MAP2K5: variants seen among roughly 807,000 people sequenced by gnomAD.
MAP2K5 encodes the protein mitogen-activated protein kinase kinase 5, also known as dual specificity mitogen-activated protein kinase kinase 5.
MAP2K5 carries 49 observed loss-of-function variants against 83.1 expected under a neutral mutation model. The observed-to-expected ratio is 0.59, with a 90% CI of 0.47 to 0.75. The LOEUF (loss-of-function observed/expected upper bound fraction) is 0.75. Among genes scored for constraint, MAP2K5 ranks in the 30% least tolerant of loss-of-function variants. The probability of loss-of-function intolerance (pLI) is 0.00; values close to 1 mark genes in which losing one functional copy is unlikely to be tolerated. For missense variants in MAP2K5, 457 were observed against 557.5 expected (o/e 0.82, Z 1.82); for synonymous variants, 202 against 191.8 (o/e 1.05, Z -0.44).
Position 67,764,078 on chromosome 15 carries a change from T to C in MAP2K5, c.1135-5524T>C, listed in dbSNP as rs1330885540. ...ACACCGTAAGTCTAGAAGTGGGCTA[T>C]TAAAAAACAGTTAGAGGGCTGGCCA... is the stretch of plus-strand genomic sequence containing the variant. On this transcript the variant is annotated intron_variant, in intron 19 of 21. Transcript: ENST00000178640. This position sits in a 1 kb window ranked among gnomAD's most constrained non-coding sequence, Gnocchi z 4.9. Among the ~76,000 whole-genome samples, 1 of 152,218 alleles carries C rather than the reference T, an allele frequency of 6.6e-6. No individual in the cohort carries two copies. The highest frequency in any genetic ancestry group is 1.5e-5 in the Non-Finnish European group (1 of 68,038).
At chr15:67,666,871 A>G (rs915384575) in intron 13 of MAP2K5, among the ~76,000 whole-genome samples, 1 of 152,198 alleles carries the variant, frequency 6.6e-6, no homozygotes, top group Non-Finnish European at 1.5e-5. Context: ...CATCTGTCTC[A>G]ATGGAAAGAC....
rs1374534966 is a variant in MAP2K5 at position 67,548,907 on chromosome 15, A to G, written c.136-1127A>G. 3 of 716,008 alleles carry G rather than the reference A, an allele frequency of 4.2e-6. No individual in the cohort carries two copies. The Admixed American group carries it at 1.1e-4, about 25-fold the overall frequency. 44.4% of individuals were successfully genotyped at this position (716,008 alleles called of 1,614,324 possible). A position where few individuals can be genotyped will look rare whatever the true frequency, so the allele number is the denominator to read the frequency against. On this transcript the variant is annotated intron_variant, in intron 1 of 21. Coordinates refer to ENST00000178640, the MANE Select transcript of MAP2K5 (RefSeq NM_145160.3). ...TGATCAGTTTTATATGCACAGATTT[A>G]TTTTTGAAAAAAAAAAAAAGCACTA...
At chr15:67,604,724 G>A (rs187269801) in intron 8 of MAP2K5, among the ~76,000 whole-genome samples, 17 of 152,010 alleles carry the variant, frequency 1.1e-4, no homozygotes, top group African/African-American at 4.1e-4. Flanking sequence ...GTGAAACCCC[G>A]ACTCTACTAA....
rs1173255076 is a variant in MAP2K5 at position 67,801,888 on chromosome 15, G to C, written c.1243-4758G>C. ...TATATTCTCTAGAAAGTTATAGAAA[G>C]AGATGAAAGTATGGGGACCCCAAAT... On this transcript the variant is annotated intron_variant, in intron 21 of 21. Coordinates refer to ENST00000178640, the MANE Select transcript of MAP2K5 (RefSeq NM_145160.3). The surrounding 1 kb of genome is among the most constrained non-coding windows in gnomAD (Gnocchi z 4.8). Among the ~76,000 whole-genome samples, 1 of 152,218 alleles carries C rather than the reference G, an allele frequency of 6.6e-6. No individual in the cohort carries two copies. Among genetic ancestry groups the C allele is most frequent in the Non-Finnish European group, 1.5e-5 (1 of 68,034 alleles).
At chr15:67,664,503 A>T in intron 12 of MAP2K5, 94 bp from the exon 13 acceptor site, 1 of 210,874 alleles carries the variant, frequency 4.7e-6, no homozygotes, top group Non-Finnish European at 8.6e-6. Flanking sequence ...ACCCTGTCTC[A>T]AAAAAAAAAA....
At chr15:67,600,500 A>G (rs1404981497) in intron 7 of MAP2K5, among the ~76,000 whole-genome samples, 185 bp from the exon 8 acceptor site, 1 of 152,180 alleles carries the variant, frequency 6.6e-6, no homozygotes, top group East Asian at 1.9e-4. Context: ...TAAACTTTCC[A>G]TCACTTCGTC....
rs1210063529 is a variant in MAP2K5 at position 67,543,985 on chromosome 15, A to T, written c.135+515A>T. Among the ~76,000 whole-genome samples, 2 of 152,220 alleles carry T rather than the reference A, an allele frequency of 1.3e-5. No homozygotes were observed. Among genetic ancestry groups the T allele is most frequent in the Admixed American group, 6.5e-5 (1 of 15,278 alleles). ...CAGTGCTGTGGCACGATCTCGGCTCACTGCAGCCTCTGCCTCCTGGGCTCA... is the reference window on the plus strand; with the variant it reads ...CAGTGCTGTGGCACGATCTCGGCTCTCTGCAGCCTCTGCCTCCTGGGCTCA... On this transcript the variant is annotated intron_variant, in intron 1 of 21. Coordinates refer to ENST00000178640, the MANE Select transcript of MAP2K5 (RefSeq NM_145160.3). The surrounding 1 kb of genome is among the most constrained non-coding windows in gnomAD (Gnocchi z 4.3).
At chr15:67,600,171 A>G (rs1371574072) in intron 7 of MAP2K5, among the ~76,000 whole-genome samples, 1 of 152,202 alleles carries the variant, frequency 6.6e-6, no homozygotes, top group African/African-American at 2.4e-5. Context: ...TTATTTGCAA[A>G]GAAAAGCTAT....
chr15:67,607,964 T>C (rs757542974), intron 8 of MAP2K5, among the ~76,000 whole-genome samples: 2 of 152,220 alleles, frequency 1.3e-5, no homozygotes, highest in African/African-American at 4.8e-5. Context: ...AGTAAGAATT[T>C]GCTGAATCTA....
At position 67,749,872 on chromosome 15, in the gene MAP2K5, T is replaced by G. The variant is rs2141275545; in HGVS notation, c.1134+1271T>G. On this transcript the variant is annotated intron_variant, in intron 19 of 21. Coordinates refer to ENST00000178640, the MANE Select transcript of MAP2K5 (RefSeq NM_145160.3). This position sits in a 1 kb window ranked among gnomAD's most constrained non-coding sequence, Gnocchi z 4.6. ...CCTGAGGTCCCCCTCCAGTTTTGCTTGAGGAAGTGTCTGGGGAAACTTGCC... is the reference window on the plus strand; with the variant it reads ...CCTGAGGTCCCCCTCCAGTTTTGCTGGAGGAAGTGTCTGGGGAAACTTGCC... 6.6e-6 allele frequency among the ~76,000 whole-genome samples: 1 copy of G among 152,280 alleles called. No individual in the cohort carries two copies. The highest frequency in any genetic ancestry group is 3.4e-3 in the Middle Eastern group (1 of 294).
Position 67,777,991 on chromosome 15 carries a change from G to C in MAP2K5, c.1242+5239G>C, listed in dbSNP as rs1457372814. Among the ~76,000 whole-genome samples the C allele has an allele frequency of 1.3e-5, 2 of 152,198 alleles. No homozygotes were observed. Among genetic ancestry groups the C allele is most frequent in the Admixed American group, 6.5e-5 (1 of 15,268 alleles). ...ATGGGTCCTAGAAGGCGGGGTATCA[G>C]TTAAAATCAGAATAGCGCTCTTGGA... On this transcript the variant is annotated intron_variant, in intron 21 of 21. Coordinates refer to ENST00000178640, the MANE Select transcript of MAP2K5 (RefSeq NM_145160.3). The surrounding 1 kb of genome is among the most constrained non-coding windows in gnomAD (Gnocchi z 6.0).
intron 13 of MAP2K5, among the ~76,000 whole-genome samples, chr15:67,691,079 C>T (rs759142254): frequency 6.6e-6 from 1 of 152,192 alleles, no homozygotes; most frequent in Non-Finnish European, 1.5e-5. Flanking sequence ...CAGAGACAGG[C>T]TCTACAGTTC....
intron 8 of MAP2K5, among the ~76,000 whole-genome samples, chr15:67,630,622 C>G (rs1478540400): frequency 6.6e-6 from 1 of 152,212 alleles, no homozygotes; most frequent in Non-Finnish European, 1.5e-5. Flanking sequence ...TGTTTAACTT[C>G]TCTGTGCTTC....
rs780240732 is a variant in MAP2K5 at position 67,720,699 on chromosome 15, G to A, written c.1045-7217G>A. ...AAATGAGGAAGTTGCCTTGCAGAGCGCTATCAATCACTCAGTGACCATAAC... is the reference window on the plus strand; with the variant it reads ...AAATGAGGAAGTTGCCTTGCAGAGCACTATCAATCACTCAGTGACCATAAC... On this transcript the variant is annotated intron_variant, in intron 16 of 21. Transcript: ENST00000178640. The surrounding 1 kb of genome is among the most constrained non-coding windows in gnomAD (Gnocchi z 5.7). 4.6e-5 allele frequency among the ~76,000 whole-genome samples: 7 copies of A among 152,100 alleles called. 1 individual carries two copies. Among genetic ancestry groups the A allele is most frequent in the African/African-American group, 9.7e-5 (4 of 41,422 alleles).
rs1161162942 is a variant in MAP2K5 at position 67,577,580 on chromosome 15, C to G, written c.253-3174C>G. ...TTTTTTTGGTCGTTGCTGTTTGTTT[C>G]TTTGTTTTTTTCTTTTCTTTTGGTT... On this transcript the variant is annotated intron_variant, in intron 3 of 21. Transcript: ENST00000178640. This position sits in a 1 kb window ranked among gnomAD's most constrained non-coding sequence, Gnocchi z 4.1. Among the ~76,000 whole-genome samples the G allele has an allele frequency of 6.6e-6, 1 of 151,942 alleles. No individual in the cohort carries two copies. Among genetic ancestry groups the G allele is most frequent in the Non-Finnish European group, 1.5e-5 (1 of 67,970 alleles).
At chr15:67,689,504 CA>C (rs1477082774) in intron 13 of MAP2K5, among the ~76,000 whole-genome samples, 2 of 151,820 alleles carry the variant, frequency 1.3e-5, no homozygotes, top group African/African-American at 4.8e-5. Flanking sequence ...TCTTTTGAGA[CA>C]GTGATTAAAA....
chr15:67,637,560 G>A lies in MAP2K5; in HGVS notation c.585+6633G>A, dbSNP rs1596697756. On this transcript the variant is annotated intron_variant, in intron 9 of 21. Coordinates refer to ENST00000178640, the MANE Select transcript of MAP2K5 (RefSeq NM_145160.3). The surrounding 1 kb of genome is among the most constrained non-coding windows in gnomAD (Gnocchi z 4.5). Reference sequence around the variant, plus strand: ...TCGTTTCTTCTGAGCCTTTCTAGTGGTTCTCTCCCTGGCCTCAGGTGATCT... The same window carrying A: ...TCGTTTCTTCTGAGCCTTTCTAGTGATTCTCTCCCTGGCCTCAGGTGATCT... Among the ~76,000 whole-genome samples the A allele has an allele frequency of 6.6e-6, 1 of 151,966 alleles. No homozygotes were observed. Among genetic ancestry groups the A allele is most frequent in the Admixed American group, 6.6e-5 (1 of 15,252 alleles).
At chr15:67,673,035 A>G (rs992374516) in intron 13 of MAP2K5, among the ~76,000 whole-genome samples, 1 of 152,148 alleles carries the variant, frequency 6.6e-6, no homozygotes, top group Non-Finnish European at 1.5e-5. Context: ...CTGTTTTGGT[A>G]CCAGTACCAT....
intron 17 of MAP2K5, among the ~76,000 whole-genome samples, chr15:67,739,823 A>G (rs780401765): frequency 1.3e-5 from 2 of 152,104 alleles, no homozygotes; most frequent in Non-Finnish European, 2.9e-5. Flanking sequence ...TGAACCATGT[A>G]TTGGCTGCAA....
Sources: gnomAD v4.1 joint callset for allele counts (sites outside exome capture counted in the v4.1 genomes callset) on GRCh38, gnomAD v4.1.1 for gene constraint, Gnocchi (gnomAD v3.1) non-coding constraint, MANE v1.5 for transcripts, NCBI Gene and HGNC (gene_info 2026-07-23, HGNC 2026-07-21) for gene names.